Variants in DLGAP1 observed in about 807,000 individuals in gnomAD.
DLGAP1 encodes the protein DLG associated protein 1, also known as disks large-associated protein 1.
A neutral mutation model predicts 90.8 loss-of-function variants in DLGAP1; 11 were observed. The ratio of observed to expected loss-of-function variants is 0.12; its 90% CI spans 0.08 to 0.20. The LOEUF (loss-of-function observed/expected upper bound fraction) is 0.20. Among genes scored for constraint, DLGAP1 ranks in the 10% least tolerant of loss-of-function variants. The pLI, the probability that DLGAP1 is intolerant of heterozygous loss-of-function variation, is 1.00. For missense variants in DLGAP1, 1,050 were observed against 1,333.8 expected, an observed-to-expected ratio of 0.79 and a Z score of 3.31; for synonymous variants, 558 against 540.7, an observed-to-expected ratio of 1.03 and a Z score of -0.44.
intron 1 of DLGAP1, among the ~76,000 whole-genome samples, chr18:4,213,536 G>C (rs1598633719): frequency 1.3e-5 from 2 of 152,140 alleles, no homozygotes; most frequent in East Asian, 3.9e-4. Flanking sequence ...TAGAACTCTG[G>C]AAGAATAGCA....
At chr18:3,736,871 TAGCAAGACTAATAAAGAAAAAA>T (rs1256596559) in intron 6 of DLGAP1, among the ~76,000 whole-genome samples, 4 of 150,572 alleles carry the variant, frequency 2.7e-5, no homozygotes, top group African/African-American at 9.8e-5. Flanking sequence ...GATAGACCGC[TAGCAAGACTAATAAAGAAAAAA>T]AGAGAGAAGA....
intron 3 of DLGAP1, among the ~76,000 whole-genome samples, chr18:3,901,652 C>T (rs954665669): frequency 6.6e-6 from 1 of 152,026 alleles, no homozygotes; most frequent in African/African-American, 2.4e-5. Context: ...AATATTTTAC[C>T]ACCTACATGG....
At chr18:3,880,215 G>T (rs1385281315) in intron 3 of DLGAP1, 75 bp from the exon 4 acceptor site, 1 of 737,624 alleles carries the variant, frequency 1.4e-6, no homozygotes, top group Admixed American at 2.4e-5. Flanking sequence ...ACAGGGTCTT[G>T]CTCTGTTGCC....
chr18:4,162,902 TAATC>T (rs2076870088), intron 1 of DLGAP1, among the ~76,000 whole-genome samples: 1 of 143,884 alleles, frequency 7.0e-6, no homozygotes. Context: ...TTATCTGAAA[TAATC>T]AGAGTTTTTT....
chr18:4,417,265 C>T (rs2082920937), intron 1 of DLGAP1, among the ~76,000 whole-genome samples: 1 of 151,938 alleles, frequency 6.6e-6, no homozygotes, highest in Non-Finnish European at 1.5e-5. Flanking sequence ...AAAACAATCA[C>T]TAAAATATTT....
Position 3,914,828 on chromosome 18 carries a change from C to A in DLGAP1, c.-72-34688G>T, listed in dbSNP as rs111939641. 9.3e-4 allele frequency among the ~76,000 whole-genome samples: 141 copies of A among 152,298 alleles called. No individual in the cohort carries two copies. In the South Asian group the frequency reaches 0.019, roughly 20 times the overall value. ...GCAATGGTGCAGTTTTGGCTCACAG[C>A]AACCTCCACCTCCTGGACTCAAGCG... On this transcript the variant is annotated intron_variant, in intron 3 of 12. Coordinates refer to ENST00000315677, the MANE Select transcript of DLGAP1 (RefSeq NM_004746.4).
intron 5 of DLGAP1, among the ~76,000 whole-genome samples, chr18:3,793,674 C>G (rs1568144356): frequency 6.6e-6 from 1 of 152,148 alleles, no homozygotes; most frequent in Non-Finnish European, 1.5e-5. Context: ...TCTTTGCGCT[C>G]TCTGCTGTGG....
intron 3 of DLGAP1, among the ~76,000 whole-genome samples, chr18:3,891,450 C>G (rs777633307): frequency 6.6e-6 from 1 of 152,132 alleles, no homozygotes; most frequent in Non-Finnish European, 1.5e-5. Context: ...ACTCTTGGCT[C>G]TACTCCCAAA....
At chr18:3,977,669 TA>T in intron 3 of DLGAP1, 2 of 271,524 alleles carry the variant, frequency 7.4e-6, no homozygotes, top group Admixed American at 4.1e-5. Context: ...ATGTGGACCA[TA>T]AGGTCTACTA....
chr18:4,365,232 C>A (rs913019580), intron 1 of DLGAP1, among the ~76,000 whole-genome samples: 1 of 152,100 alleles, frequency 6.6e-6, no homozygotes, highest in Admixed American at 6.5e-5. Context: ...CAGTTTTACA[C>A]AGCAATATTA....
chr18:3,533,194 G>A (rs1384431411), intron 10 of DLGAP1, among the ~76,000 whole-genome samples: 1 of 152,234 alleles, frequency 6.6e-6, no homozygotes, highest in African/African-American at 2.4e-5. Context: ...GGGAGGTCAA[G>A]GCTGGGGTGA....
rs1345220755 is a variant in DLGAP1 at position 3,499,323 on chromosome 18, C to A, written c.2796G>T (p.Ser932=). The A allele has an allele frequency of 1.3e-6, 2 of 1,566,432 alleles. No homozygotes were observed. Among genetic ancestry groups the A allele is most frequent in the African/African-American group, 1.4e-5 (1 of 73,412 alleles). Residue 932 remains serine, a synonymous_variant, in exon 13 of 13, where the codon TCG becomes TCT. Coordinates refer to ENST00000315677, the MANE Select transcript of DLGAP1 (RefSeq NM_004746.4). The surrounding 1 kb of genome is among the most constrained non-coding windows in gnomAD (Gnocchi z 6.4). ...KGPAPLIRER[S]LESSQRQEAR... ...CCTCCTGGCGCTGCGAGCTCTCCAG[C>A]GAGCGCTCCCGGATCAGCGGCGCGG...
chr18:4,275,487 T>C (rs1200726644), intron 1 of DLGAP1: 2 of 152,234 alleles, frequency 1.3e-5, no homozygotes, highest in African/African-American at 4.8e-5. Flanking sequence ...CTATGTTGAA[T>C]AACATTTATC....
intron 1 of DLGAP1, among the ~76,000 whole-genome samples, chr18:4,256,798 G>A (rs2078895642): frequency 2.0e-5 from 3 of 152,090 alleles, no homozygotes; most frequent in African/African-American, 7.2e-5. Flanking sequence ...CTATAAAGAC[G>A]GTTTCACTCT....
chr18:3,531,585 G>C (rs574924078), intron 10 of DLGAP1, among the ~76,000 whole-genome samples: 189 of 152,242 alleles, frequency 1.2e-3, no homozygotes, highest in Non-Finnish European at 2.3e-3. Flanking sequence ...ACGGGTTCAA[G>C]CCATTCTCTG....
At chr18:4,019,058 A>G (rs559149791) in intron 2 of DLGAP1, among the ~76,000 whole-genome samples, 1 of 152,304 alleles carries the variant, frequency 6.6e-6, no homozygotes, top group Admixed American at 6.5e-5. Flanking sequence ...TCCTGCTTGG[A>G]GCTCTTTCAA....
At position 3,943,451 on chromosome 18, in the gene DLGAP1, G is replaced by GTTTT. The variant is rs11453774; in HGVS notation, c.-73+61661_-73+61664dup. ...AGGATTATCTACTGTGAAAGAGAGG[G>GTTTT]TTTTTTTTTTTTTTTTTTCTGGCAT... On this transcript the variant is annotated intron_variant, in intron 3 of 12. Coordinates refer to ENST00000315677, the MANE Select transcript of DLGAP1 (RefSeq NM_004746.4). Among the ~76,000 whole-genome samples, 178 of 131,206 alleles carry GTTTT rather than the reference G, an allele frequency of 1.4e-3. 7 individuals are homozygous for GTTTT. Among genetic ancestry groups the GTTTT allele is most frequent in the East Asian group, 5.1e-3 (22 of 4,312 alleles). 86.1% of individuals were successfully genotyped at this position (131,206 alleles called of 152,430 possible).
intron 7 of DLGAP1, chr18:3,722,460 CA>C (rs2062015072): frequency 1.3e-5 from 2 of 152,180 alleles, no homozygotes; most frequent in Non-Finnish European, 2.9e-5. Context: ...AATGTAACAG[CA>C]GACAAGGATA....
intron 10 of DLGAP1, among the ~76,000 whole-genome samples, chr18:3,512,860 T>C (rs1227628033): frequency 6.6e-6 from 1 of 152,242 alleles, no homozygotes; most frequent in Middle Eastern, 3.2e-3. Context: ...CCTTCTTTTT[T>C]TTCTTTACTG....
Sources: gnomAD v4.1 joint callset for allele counts (sites outside exome capture counted in the v4.1 genomes callset) on GRCh38, gnomAD v4.1.1 for gene constraint, Gnocchi (gnomAD v3.1) non-coding constraint, MANE v1.5 for transcripts, NCBI Gene and HGNC (gene_info 2026-07-23, HGNC 2026-07-21) for gene names.